The following FBXL2 variants were observed in gnomAD, a reference collection of about 807,000 sequenced individuals.
FBXL2 encodes the protein F-box and leucine rich repeat protein 2.
Under a neutral mutation model 69.2 loss-of-function variants are expected in FBXL2, and 38 were observed. That is an observed-to-expected ratio of 0.55 (90% confidence interval 0.42 to 0.72). The LOEUF (loss-of-function observed/expected upper bound fraction) is 0.72. Ranked by LOEUF, FBXL2 falls within the 30% of genes least tolerant of loss-of-function variation. FBXL2 has a pLI of 0.00. For synonymous variants in FBXL2, 192 were observed against 201.3 expected, an observed-to-expected ratio of 0.95 and a Z score of 0.39; for missense variants, 354 against 520.3, an observed-to-expected ratio of 0.68 and a Z score of 3.11.
chr3:33,413,703 T>C, the FBXL2 span, among the ~76,000 whole-genome samples: 9 of 152,168 alleles, frequency 5.9e-5, no homozygotes, highest in African/African-American at 2.2e-4. Context: ...GCAATTTTTT[T>C]CTTTGAGATA....
intron 12 of FBXL2, chr3:33,397,290 C>A: frequency 1.9e-6 from 1 of 524,488 alleles, no homozygotes; most frequent in South Asian, 3.5e-5. Flanking sequence ...CAAACAGACA[C>A]CTGTCCTTCA....
chr3:33,331,466 C>G (rs1042945947), intron 2 of FBXL2, among the ~76,000 whole-genome samples: 6 of 152,084 alleles, frequency 3.9e-5, no homozygotes, highest in African/African-American at 1.4e-4. Context: ...GGAAAGGCTC[C>G]CTCCCCCTGT....
intron 2 of FBXL2, among the ~76,000 whole-genome samples, chr3:33,335,672 G>T (rs535828911): frequency 7.2e-5 from 11 of 152,148 alleles, no homozygotes; most frequent in Admixed American, 2.0e-4. Context: ...CATAAAATAT[G>T]CATAAATATT....
the FBXL2 span, among the ~76,000 whole-genome samples, chr3:33,421,369 T>C: frequency 1.3e-5 from 2 of 152,052 alleles, no homozygotes; most frequent in Non-Finnish European, 1.5e-5. Context: ...ACCTCCCAGG[T>C]TCAAGTGATT....
chr3:33,357,529 GTCT>G (rs1165505033), intron 2 of FBXL2, among the ~76,000 whole-genome samples: 1 of 101,526 alleles, frequency 9.8e-6, no homozygotes, highest in African/African-American at 3.7e-5. Flanking sequence ...GATCCACTGA[GTCT>G]TTTTTTTTTT....
At chr3:33,365,609 C>T (rs2041902268) in intron 5 of FBXL2, among the ~76,000 whole-genome samples, 1 of 152,060 alleles carries the variant, frequency 6.6e-6, no homozygotes, top group South Asian at 2.1e-4. Flanking sequence ...GTGTACTGGC[C>T]AGGCACAGTG....
chr3:33,306,953 T>G (rs1317040322), intron 2 of FBXL2, among the ~76,000 whole-genome samples: 2 of 152,140 alleles, frequency 1.3e-5, no homozygotes, highest in Admixed American at 6.6e-5. Flanking sequence ...TCTATTTGAG[T>G]GCCTAGTGTT....
At chr3:33,396,984 A>C in intron 12 of FBXL2, 1 of 1,499,434 alleles carries the variant, frequency 6.7e-7, no homozygotes, top group Non-Finnish European at 9.2e-7. Flanking sequence ...ATTCTGCCCA[A>C]ATTCCCCACG....
upstream of FBXL2, chr3:33,277,077 T>C (rs2033346715): frequency 6.0e-6 from 1 of 166,672 alleles, no homozygotes; most frequent in South Asian, 2.0e-4. Flanking sequence ...ATCTGAGCAG[T>C]AGCTACTTCA....
At chr3:33,421,176 C>T in the FBXL2 span, among the ~76,000 whole-genome samples, 46 of 152,208 alleles carry the variant, frequency 3.0e-4, no homozygotes, top group Non-Finnish European at 6.2e-4. Flanking sequence ...ATGTGTACTC[C>T]ACCCTCTGGT....
chr3:33,339,574 G>GTCAC (rs1559566483), intron 2 of FBXL2, among the ~76,000 whole-genome samples: 1 of 152,106 alleles, frequency 6.6e-6, no homozygotes, highest in Non-Finnish European at 1.5e-5. Flanking sequence ...AGGAGGGTGA[G>GTCAC]GACTGAAAAA....
intron 10 of FBXL2, among the ~76,000 whole-genome samples, chr3:33,376,594 T>C (rs1341576373): frequency 2.6e-5 from 4 of 152,232 alleles, no homozygotes; most frequent in Non-Finnish European, 5.9e-5. Context: ...AATTAACTTA[T>C]TTTTCATTGT....
At chr3:33,345,292 AT>A (rs1385466052) in intron 2 of FBXL2, among the ~76,000 whole-genome samples, 11 of 152,154 alleles carry the variant, frequency 7.2e-5, no homozygotes, top group African/African-American at 2.7e-4. Flanking sequence ...CCCTAACTTA[AT>A]TACGTTTGCA....
intron 14 of FBXL2, among the ~76,000 whole-genome samples, chr3:33,384,469 G>A (rs998091281): frequency 2.4e-4 from 37 of 152,160 alleles, no homozygotes; most frequent in African/African-American, 8.4e-4. Context: ...GCTGAGGCAG[G>A]AGAATCACCC....
the FBXL2 span, among the ~76,000 whole-genome samples, chr3:33,418,702 T>C: frequency 1.3e-5 from 2 of 151,358 alleles, no homozygotes; most frequent in Non-Finnish European, 2.9e-5. Flanking sequence ...CTACTAAAAA[T>C]ACAAAAATTA....
chr3:33,384,009 C>T lies in FBXL2; in HGVS notation c.972C>T (p.Leu324=). The T allele has an allele frequency of 6.2e-7, 1 of 1,614,054 alleles. No homozygotes were observed. Among genetic ancestry groups the T allele is most frequent in the Non-Finnish European group, 8.5e-7 (1 of 1,179,954 alleles). The change falls in exon 14 of 15, where the codon CTC becomes CTT. Residue 324 remains leucine (L), a synonymous_variant. Transcript: ENST00000484457. Reference sequence around the variant, plus strand: ...TCCAGAGCCTGTCCCACTGTGAACTCATCACAGATGATGGGATCCTGCACC... The same window carrying T: ...TCCAGAGCCTGTCCCACTGTGAACTTATCACAGATGATGGGATCCTGCACC... ...LQALSLSHCE[L]ITDDGILHLS...
intron 12 of FBXL2, 57 bp from the exon 13 acceptor site, chr3:33,378,628 G>T: frequency 6.5e-7 from 1 of 1,542,356 alleles, no homozygotes; most frequent in Non-Finnish European, 8.8e-7. Flanking sequence ...GAGAAGCCAG[G>T]ATTAGGTATT....
At chr3:33,289,681 C>A in intron 1 of FBXL2, 1 of 846,146 alleles carries the variant, frequency 1.2e-6, no homozygotes, top group Non-Finnish European at 1.4e-6. Context: ...GTTCCAGCTA[C>A]AGTGCAGGAC....
chr3:33,289,796 G>T (rs554723335), intron 1 of FBXL2: 1 of 985,498 alleles, frequency 1.0e-6, no homozygotes, highest in African/African-American at 1.7e-5. Context: ...TCCTGCTGAG[G>T]TGGGTGGATT....
Sources: gnomAD v4.1 joint callset for allele counts (sites outside exome capture counted in the v4.1 genomes callset) on GRCh38, gnomAD v4.1.1 for gene constraint, MANE v1.5 for transcripts, NCBI Gene and HGNC (gene_info 2026-07-23, HGNC 2026-07-21) for gene names.